Variants in AKAP1 observed in about 807,000 individuals in gnomAD.
AKAP1 encodes A-kinase anchor protein 1, mitochondrial.
In AKAP1, 32 loss-of-function variants were observed where a neutral mutation model predicts 79.8. The ratio of observed to expected loss-of-function variants is 0.40; its 90% CI spans 0.30 to 0.54. The LOEUF is 0.54. Ranked by LOEUF, AKAP1 falls within the 20% of genes least tolerant of loss-of-function variation. The probability of loss-of-function intolerance (pLI) is 0.47; values close to 1 mark genes in which losing one functional copy is unlikely to be tolerated. For synonymous variants in AKAP1, 416 were observed against 466.7 expected, an observed-to-expected ratio of 0.89 and a Z score of 1.40; for missense variants, 961 against 1,138.9, an observed-to-expected ratio of 0.84 and a Z score of 2.25.
At chr17:57,090,957 T>C (rs1913748284) in intron 1 of AKAP1, among the ~76,000 whole-genome samples, 1 of 152,206 alleles carries the variant, frequency 6.6e-6, no homozygotes. Flanking sequence ...CACCCAGCAG[T>C]AGCTGGCCTC....
rs774082167 is a variant in AKAP1, at chr17:57,105,541, T to G, written c.77T>G (p.Phe26Cys). Reference protein sequence around the residue: ...MLALLGWWWFFSRKKGHVSSH... With the variant: ...MLALLGWWWFCSRKKGHVSSH... Reference sequence around the variant, plus strand: ...GCGCTCCTCGGCTGGTGGTGGTTTTTCTCTCGTAAAAAAGGCCATGTCAGC... The same window carrying G: ...GCGCTCCTCGGCTGGTGGTGGTTTTGCTCTCGTAAAAAAGGCCATGTCAGC... Residue 26 changes from phenylalanine (F) to cysteine (C), a missense_variant, in exon 2 of 11, where the codon TTC becomes TGC. Phe to Cys is a radical substitution (Grantham distance 205). Transcript: ENST00000337714. 3.7e-6 allele frequency: 6 copies of G among 1,614,034 alleles called. No homozygotes were observed. In the Admixed American group the frequency reaches 1.0e-4, roughly 27 times the overall value.
At position 57,105,864 on chromosome 17, in the gene AKAP1, G is replaced by A; in HGVS notation, c.400G>A (p.Ala134Thr). ...RRDDSTKLEL[A>T]LTGGEAKSIP... ...AGATGACAGTACAAAGCTGGAGCTA[G>A]CCCTGACAGGTGGTGAAGCCAAATC... Residue 134 changes from alanine to threonine, a missense_variant, in exon 2 of 11, where the codon GCC (alanine) becomes ACC (threonine). Coordinates refer to ENST00000337714, the MANE Select transcript of AKAP1 (RefSeq NM_003488.4). The A allele has an allele frequency of 1.9e-6, 3 of 1,614,232 alleles. No homozygotes were observed. Among genetic ancestry groups the A allele is most frequent in the Non-Finnish European group, 2.5e-6 (3 of 1,180,052 alleles).
In AKAP1 at chr17:57,105,458, C is replaced by A; in HGVS notation, c.-7C>A. The A allele has an allele frequency of 6.2e-7, 1 of 1,614,000 alleles. No individual in the cohort carries two copies. Among genetic ancestry groups the A allele is most frequent in the Non-Finnish European group, 8.5e-7 (1 of 1,180,016 alleles). On this transcript the variant is annotated 5_prime_UTR_variant, in exon 2 of 11. Transcript: ENST00000337714. ...CTCCCCAGGTGTAATTACTTCAAGC[C>A]TCCAGGATGGCAATCCAGTTCCGTT... is the stretch of plus-strand genomic sequence containing the variant.
At chr17:57,113,339 A>G (rs183027908) in intron 5 of AKAP1, among the ~76,000 whole-genome samples, 3 of 151,824 alleles carry the variant, frequency 2.0e-5, no homozygotes, top group African/African-American at 4.8e-5. Context: ...TACGTTTTAC[A>G]CAGATGGACA....
At chr17:57,102,683 A>C (rs1391280027) in intron 1 of AKAP1, among the ~76,000 whole-genome samples, 1 of 151,962 alleles carries the variant, frequency 6.6e-6, no homozygotes, top group African/African-American at 2.4e-5. Context: ...CATGTTAACC[A>C]GGATGGTCTC....
Position 57,111,798 on chromosome 17 carries a change from C to T in AKAP1, c.1849C>T (p.His617Tyr), listed in dbSNP as rs1915263661. 6.2e-7 allele frequency: 1 copy of T among 1,613,918 alleles called. No homozygotes were observed. The highest frequency in any genetic ancestry group is 1.7e-5 in the Admixed American group (1 of 59,982). Residue 617 changes from histidine (H) to tyrosine (Y), a missense_variant and splice_region_variant, in exon 4 of 11, where the codon CAC becomes TAC. By Grantham distance (83) the His-to-Tyr change is moderately conservative. Transcript: ENST00000337714. ...TCATCTCTTTTTGTCTTTCTGGAAG[C>T]ACTTAGTCGGTCGGCTAATTGGCAA... is the stretch of plus-strand genomic sequence containing the variant. ...LIIWEIEVPK[H>Y]LVGRLIGKQG... is the part of the protein sequence containing the mutation.
chr17:57,119,043 A>T lies in AKAP1; in HGVS notation c.2636A>T (p.Glu879Val), dbSNP rs1915763376. The T allele has an allele frequency of 6.2e-7, 1 of 1,613,556 alleles. No homozygotes were observed. The highest frequency in any genetic ancestry group is 1.1e-5 in the South Asian group (1 of 91,034). ...CAGCTGTGGAGTGTGGTTGGAGATG[A>T]AGTAAGTTCTGCCCTTCTTTTCCTT... ...LIQLWSVVGD[E>V]VVLINRSLVE... is the part of the protein sequence containing the mutation. The change falls in exon 10 of 11, where the codon GAA (glutamate) becomes GTA (valine). Residue 879 changes from glutamate (E) to valine (V), a missense_variant and splice_region_variant. By Grantham distance (121) the Glu-to-Val change is moderately radical. Around this residue, in one of 3 missense-constraint regions of AKAP1, gnomAD observed 629 missense variants for 781.1 expected, o/e 0.81. Transcript: ENST00000337714.
rs112511050 is a variant in AKAP1 at position 57,106,683 on chromosome 17, A to G, written c.1219A>G (p.Thr407Ala). Residue 407 changes from threonine to alanine, a missense_variant, in exon 2 of 11, where the codon ACA becomes GCA. Thr to Ala is a moderately conservative substitution (Grantham distance 58). Transcript: ENST00000337714. ...VLGPDTAEPA[T>A]AEAAVAPPDA... Reference sequence around the variant, plus strand: ...GGGCCCAGACACTGCGGAGCCTGCCACAGCAGAGGCAGCTGTTGCCCCGCC... The same window carrying G: ...GGGCCCAGACACTGCGGAGCCTGCCGCAGCAGAGGCAGCTGTTGCCCCGCC... 1.9e-6 allele frequency: 3 copies of G among 1,614,108 alleles called. No homozygotes were observed. Among genetic ancestry groups the G allele is most frequent in the African/African-American group, 1.3e-5 (1 of 75,044 alleles).
chr17:57,105,400 C>A, intron 1 of AKAP1, 41 bp from the exon 2 acceptor site: 1 of 1,591,306 alleles, frequency 6.3e-7, no homozygotes, highest in Non-Finnish European at 8.6e-7. Flanking sequence ...TCCTACCTGG[C>A]TCTGTAACAT....
At position 57,111,904 on chromosome 17, in the gene AKAP1, T is replaced by G. The variant is rs761905738; in HGVS notation, c.1955T>G (p.Val652Gly). 1 of 1,613,974 alleles carries G rather than the reference T, an allele frequency of 6.2e-7. No individual in the cohort carries two copies. Among genetic ancestry groups the G allele is most frequent in the East Asian group, 2.2e-5 (1 of 44,870 alleles). The part of the protein sequence containing the change: ...YISTLPYTQS[V>G]QICHIEGSQH... ...TCAACCCTGCCTTACACCCAGAGCG[T>G]CCAGATCTGCCACATAGAAGGTCAG... is the stretch of plus-strand genomic sequence containing the variant. Residue 652 changes from valine to glycine, a missense_variant, in exon 4 of 11, where the codon GTC becomes GGC. This residue lies in a region of AKAP1 where 629 missense variants were observed against 781.1 expected (regional missense o/e 0.81). Coordinates refer to ENST00000337714, the MANE Select transcript of AKAP1 (RefSeq NM_003488.4).
At position 57,102,953 on chromosome 17, in the gene AKAP1, G is replaced by C. The variant is rs147457528; in HGVS notation, c.-24-2488G>C. ...AAATTAGCCAAGTGTGGTGGTGGGC[G>C]CCTGTAGACCCAGCTACTCTGGAGG... On this transcript the variant is annotated intron_variant, in intron 1 of 10. Coordinates refer to ENST00000337714, the MANE Select transcript of AKAP1 (RefSeq NM_003488.4). Among the ~76,000 whole-genome samples, 14 of 152,202 alleles carry C rather than the reference G, an allele frequency of 9.2e-5. No homozygotes were observed. The East Asian group carries it at 1.5e-3, about 17-fold the overall frequency.
At chr17:57,108,643 G>T (rs573461577) in intron 2 of AKAP1, among the ~76,000 whole-genome samples, 4 of 152,228 alleles carry the variant, frequency 2.6e-5, no homozygotes, top group African/African-American at 2.4e-5. Flanking sequence ...CGAGCATGCG[G>T]TGGGTGCCAA....
chr17:57,109,929 G>T, intron 2 of AKAP1, 96 bp from the exon 3 acceptor site: 1 of 1,523,000 alleles, frequency 6.6e-7, no homozygotes, highest in East Asian at 2.3e-5. Context: ...GTGTGGGGCA[G>T]GGCCTCCTGG....
At chr17:57,103,078 A>G (rs1267926033) in intron 1 of AKAP1, among the ~76,000 whole-genome samples, 1 of 152,132 alleles carries the variant, frequency 6.6e-6, no homozygotes, top group Non-Finnish European at 1.5e-5. Flanking sequence ...TAAAAGGAAA[A>G]CAATCTAGCA....
intron 8 of AKAP1, 137 bp from the exon 9 acceptor site, chr17:57,118,244 G>A: frequency 1.4e-6 from 1 of 732,152 alleles, no homozygotes; most frequent in Non-Finnish European, 2.4e-6. Context: ...TGACCTGGGT[G>A]GATCTCCCCA....
intron 1 of AKAP1, among the ~76,000 whole-genome samples, chr17:57,088,143 C>T (rs1913574231): frequency 2.0e-5 from 3 of 152,126 alleles, no homozygotes; most frequent in Non-Finnish European, 4.4e-5. Flanking sequence ...GTATTTTAGT[C>T]CTAAATCTTG....
At chr17:57,090,514 G>T (rs1913724157) in intron 1 of AKAP1, among the ~76,000 whole-genome samples, 1 of 150,914 alleles carries the variant, frequency 6.6e-6, no homozygotes, top group African/African-American at 2.4e-5. Context: ...CTCATTGGTT[G>T]TTGCTTATTT....
At chr17:57,085,734 G>C (rs1265116419) in intron 1 of AKAP1, 5 of 152,422 alleles carry the variant, frequency 3.3e-5, no homozygotes, top group Non-Finnish European at 5.9e-5. Context: ...TCGGGGGCGG[G>C]GGGCGAGGGC....
chr17:57,101,359 T>C (rs1177996159), intron 1 of AKAP1, among the ~76,000 whole-genome samples: 1 of 152,110 alleles, frequency 6.6e-6, no homozygotes. Context: ...CTAATGTTTT[T>C]TAGAGACAGG....
Sources: gnomAD v4.1 joint callset for allele counts (sites outside exome capture counted in the v4.1 genomes callset) on GRCh38, gnomAD v4.1.1 for gene constraint, gnomAD v4.1.1 regional missense constraint, MANE v1.5 for transcripts, NCBI Gene and HGNC (gene_info 2026-07-23, HGNC 2026-07-21) for gene names.